HP1BP3: variants seen among roughly 807,000 people sequenced by gnomAD.
HP1BP3 encodes heterochromatin protein 1-binding protein 3.
HP1BP3 carries 12 observed loss-of-function variants against 62.5 expected under a neutral mutation model. The ratio of observed to expected loss-of-function variants is 0.19; its 90% confidence interval spans 0.12 to 0.31. The LOEUF (loss-of-function observed/expected upper bound fraction) is 0.31, where lower values mean the gene tolerates loss of function less well. HP1BP3 is among the 10% of genes least tolerant of loss of function. The pLI, the probability that HP1BP3 is intolerant of heterozygous loss-of-function variation, is 1.00. For synonymous variants in HP1BP3, 260 were observed against 237.8 expected (o/e 1.09, Z -0.86); for missense variants, 502 against 651.8 (o/e 0.77, Z 2.50).
chr1:20,768,424 T>C (rs2056892851), intron 6 of HP1BP3, among the ~76,000 whole-genome samples: 2 of 152,046 alleles, frequency 1.3e-5, no homozygotes, highest in African/African-American at 4.8e-5. Context: ...CCAACCTGGG[T>C]GACAGAGCGA....
intron 8 of HP1BP3, among the ~76,000 whole-genome samples, chr1:20,762,110 C>A (rs1183671459): frequency 6.6e-6 from 1 of 152,028 alleles, no homozygotes; most frequent in Non-Finnish European, 1.5e-5. Context: ...TTTGGCCAAG[C>A]AAGAATGGCT....
chr1:20,768,314 C>T (rs1328750623), intron 6 of HP1BP3, among the ~76,000 whole-genome samples: 6 of 152,004 alleles, frequency 3.9e-5, no homozygotes, highest in South Asian at 2.1e-4. Context: ...GGCGTGGTGG[C>T]GGGTGCCTGT....
chr1:20,761,103 G>A (rs955018684), intron 8 of HP1BP3, among the ~76,000 whole-genome samples: 4 of 152,078 alleles, frequency 2.6e-5, no homozygotes, highest in Admixed American at 2.0e-4. Context: ...GGAGTGCAGT[G>A]GTGTGATCTT....
intron 7 of HP1BP3, among the ~76,000 whole-genome samples, chr1:20,766,802 C>T (rs2056807582): frequency 6.6e-6 from 1 of 151,774 alleles, no homozygotes; most frequent in South Asian, 2.1e-4. Context: ...TAGCTGGGAA[C>T]GGTGGCACAT....
intron 1 of HP1BP3, chr1:20,786,792 C>G (rs2057859921): frequency 6.6e-6 from 1 of 152,156 alleles, no homozygotes. Context: ...CGGGCGGACG[C>G]CGGACCGCGG....
At chr1:20,768,553 C>G (rs557448911) in intron 6 of HP1BP3, among the ~76,000 whole-genome samples, 95 of 152,096 alleles carry the variant, frequency 6.2e-4, no homozygotes, top group African/African-American at 2.1e-3. Flanking sequence ...AGTTGATTCA[C>G]AATAGGCCAG....
chr1:20,759,805 TGA>T (rs1318727075), intron 8 of HP1BP3, among the ~76,000 whole-genome samples: 2 of 150,642 alleles, frequency 1.3e-5, no homozygotes, highest in South Asian at 2.1e-4. Context: ...CTGAGACCAG[TGA>T]GAGAGTGAAG....
rs757591802 is a variant in HP1BP3 at position 20,745,065 on chromosome 1, G to A, written c.1394C>T (p.Ser465Phe). 1.2e-6 allele frequency: 2 copies of A among 1,611,278 alleles called. No individual in the cohort carries two copies. Among genetic ancestry groups the A allele is most frequent in the Non-Finnish European group, 1.7e-6 (2 of 1,179,264 alleles). The change falls in exon 13 of 13, where the codon TCC (serine) becomes TTC (phenylalanine). Residue 465 changes from serine to phenylalanine, a missense_variant. By Grantham distance (155) the Ser-to-Phe change is radical. Around this residue, in one of 5 missense-constraint regions of HP1BP3, gnomAD observed 194 missense variants for 207.0 expected, o/e 0.94. Coordinates refer to ENST00000438032, the MANE Select transcript of HP1BP3 (RefSeq NM_001372052.1). ...RRLQKKTPAK[S>F]PGKAASVKQR... ...CTTCACAGATGCGGCCTTCCCTGGG[G>A]ACTTGGCTGGGGTTTTCTTCTGCAA... is the stretch of plus-strand genomic sequence containing the variant.
intron 9 of HP1BP3, among the ~76,000 whole-genome samples, chr1:20,753,238 G>C (rs142239451): frequency 1.1e-3 from 168 of 152,222 alleles, no homozygotes; most frequent in Admixed American, 6.7e-3. Flanking sequence ...CACCGCGCCT[G>C]ACCTGTAATA....
chr1:20,763,712 T>C (rs995318209), intron 8 of HP1BP3, among the ~76,000 whole-genome samples: 11 of 152,332 alleles, frequency 7.2e-5, no homozygotes, highest in Admixed American at 2.6e-4. Context: ...TGTGACAATC[T>C]AAATGATCTG....
intron 1 of HP1BP3, chr1:20,786,758 A>C (rs1185974906): frequency 1.3e-5 from 2 of 151,868 alleles, no homozygotes; most frequent in Non-Finnish European, 2.9e-5. Context: ...AAAACCGCTG[A>C]GGGAGTGGGG....
At chr1:20,751,251 T>C (rs1024796314) in intron 9 of HP1BP3, among the ~76,000 whole-genome samples, 3 of 152,152 alleles carry the variant, frequency 2.0e-5, no homozygotes, top group Non-Finnish European at 4.4e-5. Flanking sequence ...CGGTCAACAG[T>C]AGGCTATTAA....
chr1:20,746,313 C>A (rs1376608149), intron 11 of HP1BP3, among the ~76,000 whole-genome samples: 1 of 151,498 alleles, frequency 6.6e-6, no homozygotes, highest in Non-Finnish European at 1.5e-5. Context: ...CCCACCTCAC[C>A]TTCCCAAGTA....
intron 3 of HP1BP3, 90 bp from the exon 4 acceptor site, chr1:20,776,840 G>C: frequency 9.2e-7 from 1 of 1,084,802 alleles, no homozygotes; most frequent in Admixed American, 2.9e-5. Context: ...AAACGGACCA[G>C]CCAAAGTCTC....
intron 1 of HP1BP3, among the ~76,000 whole-genome samples, chr1:20,786,982 G>A (rs1385668783): frequency 2.6e-5 from 4 of 152,048 alleles, no homozygotes; most frequent in Non-Finnish European, 5.9e-5. Flanking sequence ...TCCACCAAAA[G>A]GGCAGGGGGC....
intron 8 of HP1BP3, among the ~76,000 whole-genome samples, chr1:20,763,635 T>A (rs1001619527): frequency 3.9e-5 from 6 of 152,186 alleles, no homozygotes; most frequent in Non-Finnish European, 8.8e-5. Flanking sequence ...ACACAAACAC[T>A]CTCAGAGTCT....
chr1:20,757,166 C>A lies in HP1BP3; in HGVS notation c.981G>T (p.Gln327His). Residue 327 changes from glutamine (Q) to histidine (H), a missense_variant and splice_region_variant, in exon 9 of 13, where the codon CAG becomes CAT. Physicochemically the swap from Gln to His is conservative, Grantham distance 24. This residue lies in a region of HP1BP3 where 111 missense variants were observed against 242.0 expected (regional missense o/e 0.46). Coordinates refer to ENST00000438032, the MANE Select transcript of HP1BP3 (RefSeq NM_001372052.1). ...CACAACCAGGCCTCTGATCTCTAAC[C>A]TGGAATGTCCCCGAAGCACCTTTGC... Reference protein sequence around the residue: ...ITGKGASGTFQLKKSGEKPLL... With the variant: ...ITGKGASGTFHLKKSGEKPLL... The A allele has an allele frequency of 6.2e-7, 1 of 1,605,132 alleles. No individual in the cohort carries two copies. Among genetic ancestry groups the A allele is most frequent in the Non-Finnish European group, 8.5e-7 (1 of 1,173,076 alleles).
intron 5 of HP1BP3, among the ~76,000 whole-genome samples, chr1:20,771,988 C>T (rs554546483): frequency 2.0e-5 from 3 of 152,274 alleles, no homozygotes; most frequent in East Asian, 1.9e-4. Context: ...TTGCACAACA[C>T]GAAACAAGTT....
At chr1:20,773,398 G>A in intron 5 of HP1BP3, 53 bp downstream of exon 5, 1 of 1,495,728 alleles carries the variant, frequency 6.7e-7, no homozygotes. Flanking sequence ...TTTCAAATAA[G>A]AAAAAAATGA....
Sources: allele counts gnomAD v4.1 joint callset (sites outside exome capture counted in the v4.1 genomes callset), GRCh38; gene constraint gnomAD v4.1.1; regional missense constraint gnomAD v4.1.1; transcripts MANE v1.5; gene names NCBI Gene and HGNC (gene_info 2026-07-23, HGNC 2026-07-21).